Variants in ASIC2 observed in about 807,000 individuals in gnomAD.
ASIC2 encodes the protein acid-sensing ion channel 2.
In ASIC2, 25 loss-of-function variants were observed where a neutral mutation model predicts 57.3. That is an observed-to-expected ratio of 0.44 (90% CI 0.32 to 0.61). The LOEUF is 0.61. Ranked by LOEUF, ASIC2 falls within the 20% of genes least tolerant of loss-of-function variation. The probability of loss-of-function intolerance (pLI) is 0.06; values close to 1 mark genes in which losing one functional copy is unlikely to be tolerated. For missense variants in ASIC2, 641 were observed against 738.1 expected, an observed-to-expected ratio of 0.87 and a Z score of 1.52; for synonymous variants, 319 against 307.5, an observed-to-expected ratio of 1.04 and a Z score of -0.39.
At chr17:33,882,075 G>A (rs1211652468) in intron 1 of ASIC2, among the ~76,000 whole-genome samples, 2 of 152,180 alleles carry the variant, frequency 1.3e-5, no homozygotes, top group African/African-American at 4.8e-5. Context: ...AGCTGAAACT[G>A]GATCCCTTCC....
intron 1 of ASIC2, among the ~76,000 whole-genome samples, chr17:33,864,648 G>A (rs1914185259): frequency 1.3e-5 from 2 of 152,218 alleles, no homozygotes; most frequent in Non-Finnish European, 2.9e-5. Flanking sequence ...TTTCCCAGCA[G>A]CGAACAGGTA....
chr17:33,027,377 A>G (rs2091863622), intron 4 of ASIC2, among the ~76,000 whole-genome samples: 1 of 152,250 alleles, frequency 6.6e-6, no homozygotes, highest in Non-Finnish European at 1.5e-5. Context: ...GTAAAATTGA[A>G]TAAAGTATGA....
chr17:33,930,426 T>C (rs537966621), intron 1 of ASIC2, among the ~76,000 whole-genome samples: 5 of 152,334 alleles, frequency 3.3e-5, no homozygotes, highest in African/African-American at 1.2e-4. Flanking sequence ...TGGTTCAGTT[T>C]GTTTTAAGAT....
chr17:33,952,861 T>C (rs940319732), intron 1 of ASIC2, among the ~76,000 whole-genome samples: 1 of 152,222 alleles, frequency 6.6e-6, no homozygotes, highest in Admixed American at 6.5e-5. Flanking sequence ...AATTGTTTCA[T>C]AGCATAGGAA....
chr17:33,097,661 A>C (rs2092188190), intron 2 of ASIC2, among the ~76,000 whole-genome samples: 6 of 152,192 alleles, frequency 3.9e-5, no homozygotes, highest in Admixed American at 3.9e-4. Context: ...GCCAGATGAC[A>C]AGCTGATAAA....
chr17:33,405,175 C>A (rs770299287), intron 1 of ASIC2, among the ~76,000 whole-genome samples: 1 of 152,072 alleles, frequency 6.6e-6, no homozygotes, highest in Admixed American at 6.6e-5. Flanking sequence ...GGCATCATAT[C>A]TCCAGAGTTG....
chr17:33,287,250 G>C (rs573214984), intron 1 of ASIC2, among the ~76,000 whole-genome samples: 38 of 152,348 alleles, frequency 2.5e-4, no homozygotes, highest in Non-Finnish European at 5.0e-4. Flanking sequence ...CCAAGGCACA[G>C]AGCTAGGAAA....
At chr17:34,151,884 T>C (rs577114797) in intron 1 of ASIC2, among the ~76,000 whole-genome samples, 17 of 152,178 alleles carry the variant, frequency 1.1e-4, no homozygotes, top group Non-Finnish European at 2.1e-4. Context: ...TTATTGTTCC[T>C]AATTTAGAGA....
chr17:33,706,444 A>G (rs549951065), intron 1 of ASIC2, among the ~76,000 whole-genome samples: 1 of 151,654 alleles, frequency 6.6e-6, no homozygotes, highest in East Asian at 1.9e-4. Context: ...GGCTGGTCTC[A>G]AATTCCTGAG....
chr17:33,086,509 A>C (rs2092134295), intron 3 of ASIC2, among the ~76,000 whole-genome samples: 1 of 152,102 alleles, frequency 6.6e-6, no homozygotes, highest in Admixed American at 6.5e-5. Context: ...CTTTGAAGGG[A>C]TGTGGGTTTA....
chr17:33,019,338 G>A (rs148903799), intron 7 of ASIC2, among the ~76,000 whole-genome samples: 1 of 151,840 alleles, frequency 6.6e-6, no homozygotes, highest in Non-Finnish European at 1.5e-5. Context: ...AGAGTGTGTC[G>A]AGCGTGTGTA....
intron 1 of ASIC2, among the ~76,000 whole-genome samples, chr17:34,151,116 AAAAAAAAAAT>A (rs1470915723): frequency 4.7e-5 from 7 of 147,516 alleles, no homozygotes; most frequent in Non-Finnish European, 7.5e-5. Context: ...AAAAAAAAAA[AAAAAAAAAAT>A]AAAGAGGTAG....
chr17:33,560,818 T>C (rs541246866), intron 1 of ASIC2, among the ~76,000 whole-genome samples: 1 of 152,338 alleles, frequency 6.6e-6, no homozygotes, highest in East Asian at 1.9e-4. Context: ...CTATTATTCT[T>C]ATCTTAGAAG....
intron 1 of ASIC2, among the ~76,000 whole-genome samples, chr17:33,421,485 C>T (rs898628570): frequency 1.1e-4 from 17 of 152,208 alleles, no homozygotes; most frequent in Admixed American, 3.9e-4. Flanking sequence ...AACCTTCCAG[C>T]GTGACAGTCT....
intron 1 of ASIC2, among the ~76,000 whole-genome samples, chr17:33,167,971 G>T (rs775717749): frequency 1.3e-5 from 2 of 152,226 alleles, no homozygotes; most frequent in South Asian, 2.1e-4. Context: ...CATTTAAGAG[G>T]TAATTACACT....
At chr17:33,431,795 A>C (rs1364652014) in intron 1 of ASIC2, among the ~76,000 whole-genome samples, 6 of 152,176 alleles carry the variant, frequency 3.9e-5, no homozygotes, top group Non-Finnish European at 7.4e-5. Context: ...CAAAACCCAC[A>C]CAAAATCATC....
intron 1 of ASIC2, among the ~76,000 whole-genome samples, chr17:33,685,772 C>T (rs1329716665): frequency 6.6e-6 from 1 of 152,250 alleles, no homozygotes; most frequent in Non-Finnish European, 1.5e-5. Context: ...GTCCACCAGC[C>T]CCATTGGTCA....
At chr17:33,351,588 C>T (rs1338054979) in intron 1 of ASIC2, among the ~76,000 whole-genome samples, 2 of 152,180 alleles carry the variant, frequency 1.3e-5, no homozygotes, top group South Asian at 2.1e-4. Context: ...GCAGCATGCT[C>T]CTCTCACACA....
intron 1 of ASIC2, among the ~76,000 whole-genome samples, chr17:33,970,116 T>C (rs1453417666): frequency 6.6e-6 from 1 of 152,182 alleles, no homozygotes; most frequent in Non-Finnish European, 1.5e-5. Flanking sequence ...ATTAATTCTT[T>C]GTTGTAGGGA....
Sources: allele counts gnomAD v4.1 joint callset (sites outside exome capture counted in the v4.1 genomes callset), GRCh38; gene constraint gnomAD v4.1.1; transcripts MANE v1.5; gene names NCBI Gene and HGNC (gene_info 2026-07-23, HGNC 2026-07-21).